Variants in SNX29 observed in about 807,000 individuals in gnomAD.
SNX29 encodes sorting nexin 29.
A neutral mutation model predicts 102.1 loss-of-function variants in SNX29; 78 were observed. That is an observed-to-expected ratio of 0.76 (90% CI 0.64 to 0.92). The LOEUF is 0.92. Ranked by LOEUF, SNX29 falls within the 40% of genes least tolerant of loss-of-function variation. The probability of loss-of-function intolerance (pLI) is 0.00; values close to 1 mark genes in which losing one functional copy is unlikely to be tolerated. For synonymous variants in SNX29, 580 were observed against 414.5 expected, an observed-to-expected ratio of 1.40 and a Z score of -4.85; for missense variants, 1,280 against 1,061.7, an observed-to-expected ratio of 1.21 and a Z score of -2.86.
At chr16:12,081,022 C>A (rs1019567401) in intron 11 of SNX29, among the ~76,000 whole-genome samples, 2 of 152,150 alleles carry the variant, frequency 1.3e-5, no homozygotes, top group African/African-American at 4.8e-5. Flanking sequence ...AAATTGAATT[C>A]CTTTATTTTT....
In SNX29 at chr16:12,027,524, G is replaced by C; in HGVS notation, c.247+80G>C. 4 of 1,555,180 alleles carry C rather than the reference G, an allele frequency of 2.6e-6. No individual in the cohort carries two copies. The South Asian group carries it at 4.7e-5, about 18-fold the overall frequency. On this transcript the variant is annotated intron_variant, in intron 4 of 20. Coordinates refer to ENST00000566228, the MANE Select transcript of SNX29 (RefSeq NM_032167.5). ...TCTTTTTATTTATTTTTTAATAGTG[G>C]GCAGGGCAGTGATCGCGTGGGACTT...
intron 18 of SNX29, among the ~76,000 whole-genome samples, chr16:12,463,454 C>T (rs1042491872): frequency 2.6e-5 from 4 of 152,162 alleles, no homozygotes; most frequent in Non-Finnish European, 5.9e-5. Flanking sequence ...ACATGGATGG[C>T]GGCAGGCAAA....
At chr16:12,288,512 C>G (rs2079679434) in intron 15 of SNX29, among the ~76,000 whole-genome samples, 1 of 152,104 alleles carries the variant, frequency 6.6e-6, no homozygotes, top group South Asian at 2.1e-4. Context: ...GACACCGCCA[C>G]TTCAATAAAG....
In SNX29 at chr16:12,345,653, C is replaced by T. The variant is rs533542460; in HGVS notation, c.1783-10510C>T. Among the ~76,000 whole-genome samples, 8 of 152,226 alleles carry T rather than the reference C, an allele frequency of 5.3e-5. No homozygotes were observed. The South Asian group carries it at 1.7e-3, about 32-fold the overall frequency. On this transcript the variant is annotated intron_variant, in intron 15 of 20. Coordinates refer to ENST00000566228, the MANE Select transcript of SNX29 (RefSeq NM_032167.5). Reference sequence around the variant, plus strand: ...CTGTGGAGGAGGTGGATGAATGGATCGAAGGCGTTGGGCAAGGAGATCAAC... The same window carrying T: ...CTGTGGAGGAGGTGGATGAATGGATTGAAGGCGTTGGGCAAGGAGATCAAC...
At chr16:12,552,711 G>C (rs867661152) in intron 20 of SNX29, among the ~76,000 whole-genome samples, 1 of 152,176 alleles carries the variant, frequency 6.6e-6, no homozygotes, top group African/African-American at 2.4e-5. Flanking sequence ...TAGATTGGGG[G>C]ACTGATAGAA....
At chr16:11,976,908 TC>T in intron 1 of SNX29, 95 bp downstream of exon 1, 1 of 1,278,658 alleles carries the variant, frequency 7.8e-7, no homozygotes. Flanking sequence ...CGCGCCCCGC[TC>T]CCTCGCAGAC....
At chr16:12,013,791 C>T (rs2056758341) in intron 3 of SNX29, among the ~76,000 whole-genome samples, 1 of 150,098 alleles carries the variant, frequency 6.7e-6, no homozygotes, top group Non-Finnish European at 1.5e-5. Flanking sequence ...ATTACAGGTA[C>T]ATGCCGCCAT....
chr16:12,298,884 T>C (rs58903902), intron 15 of SNX29, among the ~76,000 whole-genome samples: 4,762 of 152,110 alleles, frequency 0.031, 241 homozygotes, highest in African/African-American at 0.11. Context: ...ATTAACCTTA[T>C]CATAATGGAA....
intron 4 of SNX29, among the ~76,000 whole-genome samples, chr16:12,035,744 A>G (rs535143487): frequency 6.7e-6 from 1 of 150,014 alleles, no homozygotes; most frequent in African/African-American, 2.5e-5. Context: ...TAGAACCCAG[A>G]TTTTGCTTGA....
chr16:12,194,627 T>G (rs1266169575), intron 13 of SNX29, among the ~76,000 whole-genome samples: 3 of 150,908 alleles, frequency 2.0e-5, no homozygotes, highest in Non-Finnish European at 4.4e-5. Context: ...GGGTAGTTTT[T>G]TTTTTTTTTT....
intron 13 of SNX29, among the ~76,000 whole-genome samples, chr16:12,187,678 A>G (rs904804852): frequency 1.3e-5 from 2 of 151,180 alleles, no homozygotes; most frequent in Non-Finnish European, 3.0e-5. Flanking sequence ...TCTCCCCCCA[A>G]CCCCCTTTTT....
chr16:12,137,698 T>C (rs2054712662), intron 13 of SNX29, among the ~76,000 whole-genome samples: 1 of 152,232 alleles, frequency 6.6e-6, no homozygotes, highest in East Asian at 1.9e-4. Flanking sequence ...ACTATGTCCT[T>C]TGTAAAAAAG....
intron 13 of SNX29, among the ~76,000 whole-genome samples, chr16:12,155,691 G>A (rs1400857353): frequency 6.6e-6 from 1 of 152,200 alleles, no homozygotes; most frequent in African/African-American, 2.4e-5. Context: ...GAAAATGAAA[G>A]GGGTAGATGC....
At chr16:12,487,347 A>G (rs1597574053) in intron 19 of SNX29, among the ~76,000 whole-genome samples, 1 of 152,186 alleles carries the variant, frequency 6.6e-6, no homozygotes, top group South Asian at 2.1e-4. Context: ...TTCCATGTAC[A>G]CTAACACCAG....
At chr16:12,472,982 G>A (rs1175150472) in intron 18 of SNX29, among the ~76,000 whole-genome samples, 9 of 152,088 alleles carry the variant, frequency 5.9e-5, no homozygotes, top group Non-Finnish European at 1.3e-4. Context: ...GTTTTAAAAG[G>A]AAACTTGGTT....
At chr16:12,265,268 G>T (rs187858357) in intron 14 of SNX29, among the ~76,000 whole-genome samples, 242 of 152,174 alleles carry the variant, frequency 1.6e-3, no homozygotes, top group African/African-American at 5.2e-3. Flanking sequence ...CTTTTCACTT[G>T]GGGGGGAGAA....
At chr16:12,377,101 T>G (rs1446429630) in intron 16 of SNX29, among the ~76,000 whole-genome samples, 2 of 152,192 alleles carry the variant, frequency 1.3e-5, no homozygotes, top group African/African-American at 2.4e-5. Context: ...CCAGACTTTC[T>G]GTGTTCTCCA....
At chr16:12,550,603 A>G (rs534412471) in intron 20 of SNX29, among the ~76,000 whole-genome samples, 2 of 152,040 alleles carry the variant, frequency 1.3e-5, no homozygotes, top group East Asian at 1.9e-4. Context: ...ACGTGCTTCT[A>G]TGTGTAATGT....
chr16:12,453,521 G>GA (rs1425943848), intron 18 of SNX29, among the ~76,000 whole-genome samples: 1 of 152,026 alleles, frequency 6.6e-6, no homozygotes, highest in East Asian at 1.9e-4. Flanking sequence ...GGCTGTCATG[G>GA]AGTCCAGCTG....
Sources: gnomAD v4.1 joint callset for allele counts (sites outside exome capture counted in the v4.1 genomes callset) on GRCh38, gnomAD v4.1.1 for gene constraint, MANE v1.5 for transcripts, NCBI Gene and HGNC (gene_info 2026-07-23, HGNC 2026-07-21) for gene names.